LRIF1: variants seen among roughly 807,000 people sequenced by gnomAD.
LRIF1 encodes ligand-dependent nuclear receptor-interacting factor 1.
Under a neutral mutation model 52.7 loss-of-function variants are expected in LRIF1, and 32 were observed. The observed-to-expected ratio is 0.61, with a 90% confidence interval of 0.46 to 0.82. LRIF1 has a LOEUF of 0.82. Among genes scored for constraint, LRIF1 ranks in the 40% least tolerant of loss-of-function variants. The pLI, the probability that LRIF1 is intolerant of heterozygous loss-of-function variation, is 0.00. For synonymous variants in LRIF1, 323 were observed against 317.4 expected, an observed-to-expected ratio of 1.02 and a Z score of -0.19; for missense variants, 887 against 892.0, an observed-to-expected ratio of 0.99 and a Z score of 0.07.
the LRIF1 span, among the ~76,000 whole-genome samples, chr1:110,930,443 C>T: frequency 6.6e-6 from 1 of 152,260 alleles, no homozygotes; most frequent in Admixed American, 6.5e-5. Context: ...CTCTTTTCCC[C>T]GCTTGCAGAT....
the LRIF1 span, among the ~76,000 whole-genome samples, chr1:110,923,016 C>G: frequency 6.6e-6 from 1 of 152,170 alleles, no homozygotes; most frequent in Non-Finnish European, 1.5e-5. Flanking sequence ...CTCAAGAACT[C>G]TAACTTGGCC....
chr1:110,892,241 G>A, the LRIF1 span: 3 of 859,866 alleles, frequency 3.5e-6, no homozygotes, highest in South Asian at 1.3e-5. Flanking sequence ...TCTTGATTGA[G>A]CCAGTTAAAA....
chr1:110,909,220 AG>A, the LRIF1 span, among the ~76,000 whole-genome samples: 1 of 152,230 alleles, frequency 6.6e-6, no homozygotes, highest in African/African-American at 2.4e-5. Context: ...GAGGTCCTTA[AG>A]GGAGGGCTAA....
At chr1:110,898,987 A>G in the LRIF1 span, 1 of 631,460 alleles carries the variant, frequency 1.6e-6, no homozygotes, top group Non-Finnish European at 2.8e-6. Flanking sequence ...AGCTCCTGAG[A>G]GAGACTTGAA....
At chr1:110,883,315 AATTT>A in the LRIF1 span, among the ~76,000 whole-genome samples, 3 of 151,980 alleles carry the variant, frequency 2.0e-5, no homozygotes, top group African/African-American at 7.2e-5. Context: ...TTGAGATGAT[AATTT>A]ATTTTCTCTT....
At chr1:110,897,622 A>G in the LRIF1 span, 6 of 480,816 alleles carry the variant, frequency 1.2e-5, no homozygotes, top group Non-Finnish European at 2.3e-5. Flanking sequence ...ACCACCAGAA[A>G]AGTCTGTAGT....
the LRIF1 span, among the ~76,000 whole-genome samples, chr1:110,902,912 A>C: frequency 6.6e-6 from 1 of 152,154 alleles, no homozygotes; most frequent in African/African-American, 2.4e-5. Context: ...TGAATCTCTA[A>C]TGCCACCCCT....
chr1:110,932,933 G>A, the LRIF1 span, among the ~76,000 whole-genome samples: 2 of 152,032 alleles, frequency 1.3e-5, no homozygotes, highest in African/African-American at 2.4e-5. Flanking sequence ...TTTTTATATT[G>A]GTATAGATTA....
chr1:110,918,073 A>T, the LRIF1 span, among the ~76,000 whole-genome samples: 1 of 152,236 alleles, frequency 6.6e-6, no homozygotes, highest in African/African-American at 2.4e-5. Context: ...AAATTACTTT[A>T]AAAATTGACT....
chr1:110,917,226 G>A, the LRIF1 span, among the ~76,000 whole-genome samples: 4 of 152,170 alleles, frequency 2.6e-5, no homozygotes, highest in African/African-American at 4.8e-5. Flanking sequence ...ACAGGGGCTC[G>A]TGTGTCCTCA....
Position 110,947,768 on chromosome 1 carries a change from T to C in LRIF1, c.*191A>G, listed in dbSNP as rs891402794. On this transcript the variant is annotated 3_prime_UTR_variant, in exon 4 of 4. Transcript: ENST00000369763. ...AAGGTATCTAAGACAAAGGTATAGA[T>C]ACCCCATGTAAATTATTCACAAGTC... 1.0e-5 allele frequency: 6 copies of C among 599,098 alleles called. No homozygotes were observed. The highest frequency in any genetic ancestry group is 1.3e-5 in the Non-Finnish European group (5 of 385,246). The allele number at this position is 599,098 out of a possible 1,614,324, so 37.1% of individuals were successfully genotyped here. A position where few individuals can be genotyped will look rare whatever the true frequency, so the allele number is the denominator to read the frequency against.
downstream of LRIF1, among the ~76,000 whole-genome samples, chr1:110,942,963 T>C (rs1391628851): frequency 1.3e-5 from 2 of 151,818 alleles, no homozygotes; most frequent in Non-Finnish European, 2.9e-5. Flanking sequence ...ATAAGAGACA[T>C]AAAAAGATTG....
At chr1:110,877,562 A>G in the LRIF1 span, among the ~76,000 whole-genome samples, 1 of 152,160 alleles carries the variant, frequency 6.6e-6, no homozygotes, top group Non-Finnish European at 1.5e-5. Context: ...AAGCTCCCAC[A>G]TGGGAGGAAG....
At chr1:110,922,105 A>G in the LRIF1 span, among the ~76,000 whole-genome samples, 6 of 152,186 alleles carry the variant, frequency 3.9e-5, no homozygotes, top group Admixed American at 2.0e-4. Flanking sequence ...TTAGTTTGCT[A>G]AGGAAAAGGA....
the LRIF1 span, among the ~76,000 whole-genome samples, chr1:110,908,503 A>G: frequency 1.3e-5 from 2 of 152,192 alleles, no homozygotes; most frequent in Admixed American, 1.3e-4. Flanking sequence ...AAACAGTAAA[A>G]TGGTTCAAGA....
the LRIF1 span, among the ~76,000 whole-genome samples, chr1:110,910,482 T>A: frequency 1.4e-4 from 21 of 152,072 alleles, no homozygotes; most frequent in African/African-American, 4.8e-4. Context: ...AGGCTTGTAA[T>A]CCCAGCTACT....
the LRIF1 span, chr1:110,897,962 C>A: frequency 1.2e-6 from 1 of 808,048 alleles, no homozygotes; most frequent in East Asian, 2.6e-5. Flanking sequence ...CAGAATAATA[C>A]CAGGTACACA....
At chr1:110,933,195 C>G in the LRIF1 span, among the ~76,000 whole-genome samples, 1 of 152,068 alleles carries the variant, frequency 6.6e-6, no homozygotes, top group Non-Finnish European at 1.5e-5. Flanking sequence ...TGCTCAGCTC[C>G]GAAATCAGCT....
chr1:110,897,267 C>T, the LRIF1 span, among the ~76,000 whole-genome samples: 2 of 152,208 alleles, frequency 1.3e-5, no homozygotes, highest in Non-Finnish European at 2.9e-5. Flanking sequence ...CCACAACTAT[C>T]TTCCAACTAG....
Sources: gnomAD v4.1 joint callset for allele counts (sites outside exome capture counted in the v4.1 genomes callset) on GRCh38, gnomAD v4.1.1 for gene constraint, MANE v1.5 for transcripts, NCBI Gene and HGNC (gene_info 2026-07-23, HGNC 2026-07-21) for gene names.